The following NDRG2 variants were observed in gnomAD, a reference collection of about 807,000 sequenced individuals.
NDRG2 encodes the protein protein NDRG2.
Under a neutral mutation model 58.2 loss-of-function variants are expected in NDRG2, and 34 were observed. The ratio of observed to expected loss-of-function variants is 0.58; its 90% CI spans 0.44 to 0.78. The LOEUF (loss-of-function observed/expected upper bound fraction) is 0.78, where lower values mean the gene tolerates loss of function less well. Ranked by LOEUF, NDRG2 falls within the 30% of genes least tolerant of loss-of-function variation. The probability of loss-of-function intolerance (pLI) is 0.00; values close to 1 mark genes in which losing one functional copy is unlikely to be tolerated. For synonymous variants in NDRG2, 187 were observed against 175.9 expected, an observed-to-expected ratio of 1.06 and a Z score of -0.50; for missense variants, 434 against 471.2, an observed-to-expected ratio of 0.92 and a Z score of 0.73.
upstream of NDRG2, chr14:21,029,182 G>A (rs1193028534): frequency 1.3e-5 from 2 of 152,218 alleles, no homozygotes; most frequent in Non-Finnish European, 2.9e-5. Context: ...TTTAAAGCCA[G>A]TGGGATTCTC....
intron 1 of NDRG2, among the ~76,000 whole-genome samples, chr14:21,066,126 C>T (rs553686402): frequency 3.3e-5 from 5 of 152,008 alleles, no homozygotes; most frequent in Non-Finnish European, 5.9e-5. Flanking sequence ...CAACAAAAAC[C>T]TGAAAAGCTG....
chr14:21,052,756 G>A (rs1885523049), intron 1 of NDRG2, among the ~76,000 whole-genome samples: 1 of 152,148 alleles, frequency 6.6e-6, no homozygotes, highest in Admixed American at 6.5e-5. Context: ...GAGAAATGAT[G>A]CAGGAAAAGG....
chr14:21,046,246 A>G (rs1312749), intron 1 of NDRG2, among the ~76,000 whole-genome samples: 52,657 of 152,078 alleles, frequency 0.35, 9,812 homozygotes, highest in African/African-American at 0.48. Context: ...GGGCTCAGCC[A>G]GGCACAGTGG....
upstream of NDRG2, chr14:21,028,793 A>G (rs1156507830): frequency 6.6e-5 from 10 of 152,206 alleles, no homozygotes; most frequent in Non-Finnish European, 1.3e-4. Context: ...TCATCCAACT[A>G]TGAGATGATA....
In NDRG2 at chr14:21,056,609, A is replaced by G. The variant is rs76811889; in HGVS notation, c.24+14219T>C. The stretch of plus-strand genomic sequence containing the variant: ...CTTAAATGTTTTTAGAAGGGTCTGA[A>G]GAAATTAAGGCAATGAGCACACACC... On this transcript the variant is annotated intron_variant, in intron 1 of 14. Transcript: ENST00000403829. Among the ~76,000 whole-genome samples, 321 of 152,338 alleles carry G rather than the reference A, an allele frequency of 2.1e-3. 3 individuals are homozygous for G. The highest frequency in any genetic ancestry group is 7.3e-3 in the African/African-American group (303 of 41,578).
intron 1 of NDRG2, among the ~76,000 whole-genome samples, chr14:21,065,444 A>G (rs978799094): frequency 6.6e-6 from 1 of 152,216 alleles, no homozygotes; most frequent in East Asian, 1.9e-4. Context: ...ACACTAGCTG[A>G]AAAAGCAGTG....
chr14:21,026,686 C>T (rs911949631), upstream of NDRG2, among the ~76,000 whole-genome samples: 2 of 152,082 alleles, frequency 1.3e-5, no homozygotes, highest in African/African-American at 2.4e-5. Flanking sequence ...ATCTAAGGAG[C>T]TCCCCCTACA....
At chr14:21,031,300 C>T (rs1206647125) in intron 1 of NDRG2, 3 of 1,209,214 alleles carry the variant, frequency 2.5e-6, no homozygotes, top group Admixed American at 3.1e-5. Context: ...CTAGACATTC[C>T]AGAAGTCAGG....
intron 10 of NDRG2, 124 bp downstream of exon 10, chr14:21,019,515 A>G (rs1277533431): frequency 5.9e-6 from 4 of 675,988 alleles, no homozygotes; most frequent in Admixed American, 2.7e-5. Flanking sequence ...TTGCACACTA[A>G]ATGCTGCATT....
chr14:21,024,572 G>T lies in NDRG2; in HGVS notation c.-549C>A. On this transcript the variant is annotated 5_prime_UTR_variant, in exon 1 of 16. Coordinates refer to ENST00000556147, the MANE Select transcript of NDRG2 (RefSeq NM_001320329.2). The stretch of plus-strand genomic sequence containing the variant: ...CAATTTAAAAACAAACACAAAGATT[G>T]GTGCCGTCGCTTCTCTCCTCTACTC... The T allele has an allele frequency of 1.0e-6, 1 of 985,450 alleles. No individual in the cohort carries two copies. The highest frequency in any genetic ancestry group is 1.2e-6 in the Non-Finnish European group (1 of 829,958). The allele number at this position is 985,450 out of a possible 1,614,324, so 61.0% of individuals were successfully genotyped here.
At chr14:21,050,367 C>G (rs1217955898) in intron 1 of NDRG2, among the ~76,000 whole-genome samples, 4 of 152,226 alleles carry the variant, frequency 2.6e-5, no homozygotes, top group African/African-American at 9.6e-5. Flanking sequence ...GACCTCCCAT[C>G]TGCTACTCCG....
At chr14:21,033,941 G>T (rs1306467655) in intron 1 of NDRG2, 1 of 1,614,100 alleles carries the variant, frequency 6.2e-7, no homozygotes, top group Admixed American at 1.7e-5. Flanking sequence ...GTGGCTGTTG[G>T]TGGCTCAGGG....
intron 1 of NDRG2, chr14:21,043,587 G>T (rs1885013786): frequency 1.4e-6 from 1 of 695,726 alleles, no homozygotes. Flanking sequence ...TTCAGCCTCT[G>T]CTGGGAGGCT....
At chr14:21,069,355 C>T (rs1476192788) in intron 1 of NDRG2, among the ~76,000 whole-genome samples, 1 of 152,230 alleles carries the variant, frequency 6.6e-6, no homozygotes, top group Non-Finnish European at 1.5e-5. Flanking sequence ...GGCCACGAGC[C>T]CTAGCGGCCC....
At chr14:21,045,005 T>C (rs1389999142) in intron 1 of NDRG2, among the ~76,000 whole-genome samples, 1 of 152,170 alleles carries the variant, frequency 6.6e-6, no homozygotes, top group Non-Finnish European at 1.5e-5. Flanking sequence ...ACCTGCCAAA[T>C]AGGATTCCAG....
chr14:21,024,637 A>G lies in NDRG2; in HGVS notation c.-614T>C, dbSNP rs1882772924. ...TCCCACGAGTGGAGAAAGGGAGAGG[A>G]GAGCGGTCCCACAATCTTCTCCCGT... On this transcript the variant is annotated 5_prime_UTR_variant, in exon 1 of 16. Transcript: ENST00000556147. 2.0e-6 allele frequency: 2 copies of G among 985,302 alleles called. No individual in the cohort carries two copies. Among genetic ancestry groups the G allele is most frequent in the Non-Finnish European group, 2.4e-6 (2 of 829,922 alleles). The allele number at this position is 985,302 out of a possible 1,614,324, so 61.0% of individuals were successfully genotyped here. A position where few individuals can be genotyped will look rare whatever the true frequency, so the allele number is the denominator to read the frequency against.
chr14:21,022,822 A>G (rs1225248169), intron 3 of NDRG2, 42 bp downstream of exon 3: 1 of 1,599,912 alleles, frequency 6.3e-7, no homozygotes, highest in East Asian at 2.3e-5. Context: ...GGGGAAGAGG[A>G]CAGCCCCTCC....
chr14:21,034,265 G>A (rs1884465416), intron 1 of NDRG2: 2 of 1,613,120 alleles, frequency 1.2e-6, no homozygotes, highest in East Asian at 2.2e-5. Flanking sequence ...GGAGGAAAAG[G>A]AGCCGGGTCA....
chr14:21,022,367 G>A (rs1350641182), intron 4 of NDRG2, 25 bp downstream of exon 4: 1 of 1,595,420 alleles, frequency 6.3e-7, no homozygotes, highest in Non-Finnish European at 8.6e-7. Context: ...CCAGACAGGA[G>A]TGGGAGATGA....
Sources: gnomAD v4.1 joint callset for allele counts (sites outside exome capture counted in the v4.1 genomes callset) on GRCh38, gnomAD v4.1.1 for gene constraint, MANE v1.5 for transcripts, NCBI Gene and HGNC (gene_info 2026-07-23, HGNC 2026-07-21) for gene names.